The following CSMD1 variants were observed in gnomAD, a reference collection of about 807,000 sequenced individuals.
CSMD1 encodes CUB and Sushi multiple domains 1.
In CSMD1, 213 loss-of-function variants were observed where a neutral mutation model predicts 417.5. The ratio of observed to expected loss-of-function variants is 0.51; its 90% confidence interval spans 0.46 to 0.57. The LOEUF (loss-of-function observed/expected upper bound fraction) is 0.57. Among genes scored for constraint, CSMD1 ranks in the 20% least tolerant of loss-of-function variants. The pLI, the probability that CSMD1 is intolerant of heterozygous loss-of-function variation, is 0.00. For missense variants in CSMD1, 6,923 were observed against 4,529.7 expected, an observed-to-expected ratio of 1.53 and a Z score of -15.17; for synonymous variants, 2,862 against 1,736.8, an observed-to-expected ratio of 1.65 and a Z score of -16.11.
In CSMD1 at chr8:3,117,938, G is replaced by C. The variant is rs79795782; in HGVS notation, c.6430+461C>G. Among the ~76,000 whole-genome samples, 1,498 of 152,276 alleles carry C rather than the reference G, an allele frequency of 9.8e-3. 22 individuals are homozygous for C. The highest frequency in any genetic ancestry group is 0.031 in the African/African-American group (1,283 of 41,562). ...ACCTTTCAAGGCCCACTACAAAAATGAGCTCATTTTTCTGAAATGCAAAAT... is the reference window on the plus strand; with the variant it reads ...ACCTTTCAAGGCCCACTACAAAAATCAGCTCATTTTTCTGAAATGCAAAAT... On this transcript the variant is annotated intron_variant, in intron 42 of 69. Coordinates refer to ENST00000635120, the MANE Select transcript of CSMD1 (RefSeq NM_033225.6).
At chr8:4,703,322 A>G (rs561676747) in intron 1 of CSMD1, among the ~76,000 whole-genome samples, 2 of 152,306 alleles carry the variant, frequency 1.3e-5, no homozygotes, top group East Asian at 3.9e-4. Context: ...AGTTTTTCAA[A>G]TATACGTCGC....
At chr8:4,716,966 A>G (rs910553031) in intron 1 of CSMD1, among the ~76,000 whole-genome samples, 2 of 152,168 alleles carry the variant, frequency 1.3e-5, no homozygotes, top group African/African-American at 4.8e-5. Flanking sequence ...GTATAATTCC[A>G]TTTCAACAAA....
intron 3 of CSMD1, among the ~76,000 whole-genome samples, chr8:4,367,646 T>C (rs971257318): frequency 2.0e-5 from 3 of 152,176 alleles, no homozygotes; most frequent in Non-Finnish European, 2.9e-5. Context: ...GTAAATTGCT[T>C]TGGGTGGTAT....
intron 3 of CSMD1, among the ~76,000 whole-genome samples, chr8:4,173,719 G>A (rs940284902): frequency 2.0e-5 from 3 of 152,062 alleles, no homozygotes; most frequent in Admixed American, 2.0e-4. Context: ...AGCAATCAAT[G>A]AGAAAATTTT....
chr8:4,411,973 C>T (rs1447390105), intron 3 of CSMD1, among the ~76,000 whole-genome samples: 2 of 145,452 alleles, frequency 1.4e-5, no homozygotes, highest in Non-Finnish European at 3.0e-5. Flanking sequence ...GAAAAGTACA[C>T]AGCAACATAG....
chr8:3,190,284 G>A (rs992888254), intron 33 of CSMD1, among the ~76,000 whole-genome samples, 169 bp from the exon 34 acceptor site: 7 of 106,114 alleles, frequency 6.6e-5, no homozygotes, highest in Non-Finnish European at 1.2e-4. Flanking sequence ...GGACCACGCA[G>A]AGCTGGTGCA....
rs1476357371 is a variant in CSMD1 at position 4,935,329 on chromosome 8, C to G, written c.85+59003G>C. On this transcript the variant is annotated intron_variant, in intron 1 of 69. Coordinates refer to ENST00000635120, the MANE Select transcript of CSMD1 (RefSeq NM_033225.6). ...GCAGAGGTCTCATTAGGAAATGCCC[C>G]TGCGCCCTCTGGGTGGAGACATCGC... Among the ~76,000 whole-genome samples the G allele has an allele frequency of 5.9e-5, 9 of 152,326 alleles. No homozygotes were observed. In the East Asian group the frequency reaches 1.7e-3, roughly 29 times the overall value.
Position 4,200,650 on chromosome 8 carries a change from G to C in CSMD1, c.416-168551C>G, listed in dbSNP as rs970450861. Reference sequence around the variant, plus strand: ...GTGGGAGGATTTCTTGAGACTAAGAGTTCAAGACCACCCTGGGCAAGGTAG... The same window carrying C: ...GTGGGAGGATTTCTTGAGACTAAGACTTCAAGACCACCCTGGGCAAGGTAG... On this transcript the variant is annotated intron_variant, in intron 3 of 69. Transcript: ENST00000635120. 2.6e-5 allele frequency among the ~76,000 whole-genome samples: 4 copies of C among 152,114 alleles called. No homozygotes were observed. The East Asian group carries it at 7.7e-4, about 29-fold the overall frequency.
At chr8:4,802,428 C>A (rs1798351745) in intron 1 of CSMD1, among the ~76,000 whole-genome samples, 1 of 151,770 alleles carries the variant, frequency 6.6e-6, no homozygotes, top group African/African-American at 2.4e-5. Context: ...GGGAATTAAC[C>A]TTTATCATGT....
chr8:3,714,035 G>GATAA (rs1801677437), intron 6 of CSMD1, among the ~76,000 whole-genome samples: 1 of 149,294 alleles, frequency 6.7e-6, no homozygotes. Context: ...CAGATAGATA[G>GATAA]ATAGATAGAT....
intron 10 of CSMD1, among the ~76,000 whole-genome samples, chr8:3,525,613 C>G (rs116466241): frequency 6.6e-6 from 1 of 152,146 alleles, no homozygotes; most frequent in Admixed American, 6.5e-5. Context: ...GGCATCGTAT[C>G]TTCAAAACCT....
At chr8:3,975,716 T>A (rs1057145383) in intron 5 of CSMD1, among the ~76,000 whole-genome samples, 1 of 152,212 alleles carries the variant, frequency 6.6e-6, no homozygotes, top group Admixed American at 6.5e-5. Context: ...GACAACGACT[T>A]CATTACATGC....
intron 6 of CSMD1, among the ~76,000 whole-genome samples, chr8:3,751,302 G>A (rs902305480): frequency 2.7e-5 from 2 of 74,588 alleles, no homozygotes; most frequent in Non-Finnish European, 6.3e-5. Flanking sequence ...CAATTGAAGT[G>A]TGTGTGTGTG....
At chr8:3,046,741 C>G (rs1811471542) in intron 50 of CSMD1, among the ~76,000 whole-genome samples, 1 of 152,218 alleles carries the variant, frequency 6.6e-6, no homozygotes, top group African/African-American at 2.4e-5. Context: ...ACTTCCAACA[C>G]TTCCCTAGAG....
chr8:4,207,425 C>G (rs955113288), intron 3 of CSMD1, among the ~76,000 whole-genome samples: 1 of 152,020 alleles, frequency 6.6e-6, no homozygotes, highest in Non-Finnish European at 1.5e-5. Flanking sequence ...TTGTCTTCAA[C>G]CAACTATTTT....
intron 10 of CSMD1, among the ~76,000 whole-genome samples, chr8:3,506,147 G>A (rs558507387): frequency 2.6e-5 from 4 of 152,268 alleles, no homozygotes; most frequent in Admixed American, 6.5e-5. Context: ...AGCAGAGGAA[G>A]TGCCAGGGAG....
At chr8:4,025,205 G>T (rs1201306147) in intron 4 of CSMD1, among the ~76,000 whole-genome samples, 1 of 152,220 alleles carries the variant, frequency 6.6e-6, no homozygotes, top group East Asian at 1.9e-4. Context: ...TTCTGGATCA[G>T]ATGTTAGCTT....
At chr8:4,116,514 T>C (rs7816144) in intron 3 of CSMD1, among the ~76,000 whole-genome samples, 11 of 68,992 alleles carry the variant, frequency 1.6e-4, no homozygotes, top group South Asian at 1.1e-3. Context: ...CCGACGGCGA[T>C]GTATGAGTGC....
At chr8:3,606,091 C>G (rs1412884887) in intron 8 of CSMD1, among the ~76,000 whole-genome samples, 1 of 152,184 alleles carries the variant, frequency 6.6e-6, no homozygotes, top group East Asian at 1.9e-4. Flanking sequence ...CTCAAAGATG[C>G]TAGGAAACGT....
Sources: gnomAD v4.1 joint callset for allele counts (sites outside exome capture counted in the v4.1 genomes callset) on GRCh38, gnomAD v4.1.1 for gene constraint, MANE v1.5 for transcripts, NCBI Gene and HGNC (gene_info 2026-07-23, HGNC 2026-07-21) for gene names.